Variants in CRIM1 observed in about 807,000 individuals in gnomAD.
CRIM1 encodes the protein cysteine-rich motor neuron 1 protein.
CRIM1 carries 32 observed loss-of-function variants against 116.4 expected under a neutral mutation model. The observed-to-expected ratio is 0.27, with a 90% confidence interval of 0.21 to 0.37. The LOEUF (loss-of-function observed/expected upper bound fraction) is 0.37. Ranked by LOEUF, CRIM1 falls within the 10% of genes least tolerant of loss-of-function variation. The probability of loss-of-function intolerance (pLI) is 1.00; values close to 1 mark genes in which losing one functional copy is unlikely to be tolerated. For synonymous variants in CRIM1, 590 were observed against 509.2 expected (o/e 1.16, Z -2.13); for missense variants, 1,331 against 1,354.8 (o/e 0.98, Z 0.28).
At chr2:36,507,812 G>A (rs1269919226) in intron 8 of CRIM1, among the ~76,000 whole-genome samples, 2 of 152,224 alleles carry the variant, frequency 1.3e-5, no homozygotes, top group African/African-American at 2.4e-5. Flanking sequence ...ATCAAGGTCT[G>A]TGGAAAAACT....
intron 2 of CRIM1, among the ~76,000 whole-genome samples, chr2:36,417,559 T>C (rs1673715148): frequency 6.6e-6 from 1 of 152,186 alleles, no homozygotes; most frequent in Admixed American, 6.5e-5. Context: ...TCTGAGTGTT[T>C]GGAGTTTGGG....
intron 4 of CRIM1, among the ~76,000 whole-genome samples, chr2:36,453,786 AAC>A (rs2124976425): frequency 6.6e-6 from 1 of 152,346 alleles, no homozygotes; most frequent in African/African-American, 2.4e-5. Flanking sequence ...TAGCAAAGCA[AAC>A]ACATGCTAAT....
intron 2 of CRIM1, among the ~76,000 whole-genome samples, chr2:36,437,582 G>C (rs1675416874): frequency 1.7e-5 from 2 of 116,022 alleles, no homozygotes; most frequent in South Asian, 6.0e-4. Context: ...TTAATAAAGA[G>C]AAAGCCAGTG....
intron 1 of CRIM1, among the ~76,000 whole-genome samples, chr2:36,389,598 A>G (rs1671425555): frequency 6.6e-6 from 1 of 152,168 alleles, no homozygotes; most frequent in Non-Finnish European, 1.5e-5. Flanking sequence ...GGATTGCCAT[A>G]TAATAGGATG....
At chr2:36,365,832 C>G (rs886143590) in intron 1 of CRIM1, among the ~76,000 whole-genome samples, 2 of 150,598 alleles carry the variant, frequency 1.3e-5, no homozygotes, top group African/African-American at 4.9e-5. Flanking sequence ...CTCCCTGGTT[C>G]AAGCGATTCT....
At chr2:36,373,228 T>C (rs1670061502) in intron 1 of CRIM1, among the ~76,000 whole-genome samples, 1 of 152,322 alleles carries the variant, frequency 6.6e-6, no homozygotes, top group East Asian at 1.9e-4. Flanking sequence ...ATAGCACACT[T>C]TTCCTCAGAC....
chr2:36,542,798 CAT>C (rs760354069), intron 14 of CRIM1, among the ~76,000 whole-genome samples: 31 of 152,182 alleles, frequency 2.0e-4, no homozygotes, highest in East Asian at 3.9e-4. Context: ...TCATACCACA[CAT>C]GAGAGTTTTT....
intron 13 of CRIM1, among the ~76,000 whole-genome samples, chr2:36,527,397 T>A (rs537932398): frequency 6.6e-6 from 1 of 152,242 alleles, no homozygotes; most frequent in East Asian, 1.9e-4. Context: ...AAGTTAGCTA[T>A]TTTTATATTT....
At chr2:36,375,454 C>G (rs1343302752) in intron 1 of CRIM1, among the ~76,000 whole-genome samples, 1 of 152,146 alleles carries the variant, frequency 6.6e-6, no homozygotes, top group Non-Finnish European at 1.5e-5. Flanking sequence ...AAGCAAATTG[C>G]ATAAACGGTA....
intron 1 of CRIM1, among the ~76,000 whole-genome samples, chr2:36,371,778 C>T (rs1034100741): frequency 9.9e-5 from 15 of 152,156 alleles, no homozygotes; most frequent in African/African-American, 3.1e-4. Context: ...GAATTTTCCT[C>T]GTGGGTGGTT....
chr2:36,421,174 A>C (rs1674035267), intron 2 of CRIM1, among the ~76,000 whole-genome samples: 1 of 152,248 alleles, frequency 6.6e-6, no homozygotes, highest in African/African-American at 2.4e-5. Flanking sequence ...AGATGAATAC[A>C]GAGATACTTT....
chr2:36,371,972 A>G (rs931839801), intron 1 of CRIM1, among the ~76,000 whole-genome samples: 1 of 152,210 alleles, frequency 6.6e-6, no homozygotes, highest in East Asian at 1.9e-4. Flanking sequence ...CTAATCCAGG[A>G]TTGTGTCTTA....
chr2:36,386,262 G>A (rs1354237851), intron 1 of CRIM1, among the ~76,000 whole-genome samples: 1 of 152,210 alleles, frequency 6.6e-6, no homozygotes, highest in African/African-American at 2.4e-5. Flanking sequence ...ATAATACACA[G>A]AAGTGGCAGG....
intron 2 of CRIM1, among the ~76,000 whole-genome samples, chr2:36,397,347 A>G (rs930917416): frequency 2.0e-5 from 3 of 152,174 alleles, no homozygotes; most frequent in African/African-American, 7.2e-5. Flanking sequence ...GATATGGCTC[A>G]TAACTTTTGT....
At chr2:36,397,207 C>A in intron 2 of CRIM1, among the ~76,000 whole-genome samples, 1 of 152,114 alleles carries the variant, frequency 6.6e-6, no homozygotes, top group South Asian at 2.1e-4. Context: ...GAGAATTATG[C>A]AGTGATGATT....
intron 1 of CRIM1, among the ~76,000 whole-genome samples, chr2:36,379,454 T>C (rs539003185): frequency 6.6e-6 from 1 of 152,248 alleles, no homozygotes; most frequent in Non-Finnish European, 1.5e-5. Context: ...TTCCACACTC[T>C]GCTGGGGTAC....
chr2:36,476,948 A>G lies in CRIM1; in HGVS notation c.1051A>G (p.Met351Val). 1.9e-6 allele frequency: 3 copies of G among 1,614,114 alleles called. No individual in the cohort carries two copies. Among genetic ancestry groups the G allele is most frequent in the Non-Finnish European group, 1.7e-6 (2 of 1,179,944 alleles). The change falls in exon 6 of 17, where the codon ATG becomes GTG. Residue 351 changes from methionine (M) to valine (V), a missense_variant. This residue lies in a region of CRIM1 where 690 missense variants were observed against 676.0 expected (regional missense o/e 1.02). Transcript: ENST00000280527. ...ATATTATGATGGAGACATGTTTCGA[A>G]TGGACAACTGTCGGTTCTGTCGATG... The part of the protein sequence containing the change: ...VEYYDGDMFR[M>V]DNCRFCRCQG...
At chr2:36,475,237 T>C (rs1481382670) in intron 5 of CRIM1, among the ~76,000 whole-genome samples, 1 of 152,256 alleles carries the variant, frequency 6.6e-6, no homozygotes, top group Non-Finnish European at 1.5e-5. Context: ...ACACGGGATG[T>C]CCCGTTTACT....
intron 11 of CRIM1, 60 bp downstream of exon 11, chr2:36,513,825 CTAG>C (rs1664858473): frequency 6.8e-7 from 1 of 1,474,418 alleles, no homozygotes; most frequent in Non-Finnish European, 9.4e-7. Flanking sequence ...TTGCAGGGCC[CTAG>C]ACACATTTGT....
Sources: allele counts gnomAD v4.1 joint callset (sites outside exome capture counted in the v4.1 genomes callset), GRCh38; gene constraint gnomAD v4.1.1; regional missense constraint gnomAD v4.1.1; transcripts MANE v1.5; gene names NCBI Gene and HGNC (gene_info 2026-07-23, HGNC 2026-07-21).